Variants in FRMPD4 observed in about 807,000 individuals in gnomAD.
The protein encoded by FRMPD4 is FERM and PDZ domain-containing protein 4.
Under a neutral mutation model 94.1 loss-of-function variants are expected in FRMPD4, and 22 were observed. The observed-to-expected ratio is 0.23, with a 90% CI of 0.17 to 0.33. The LOEUF (loss-of-function observed/expected upper bound fraction) is 0.33, where lower values mean the gene tolerates loss of function less well. FRMPD4 is among the 10% of genes least tolerant of loss of function. FRMPD4 has a pLI of 1.00. For missense variants in FRMPD4, 1,111 were observed against 1,339.9 expected (o/e 0.83, Z 2.67); for synonymous variants, 631 against 548.6 (o/e 1.15, Z -2.10).
intron 2 of FRMPD4, among the ~76,000 whole-genome samples, chrX:12,590,293 T>G (rs540712913): frequency 1.8e-5 from 2 of 112,409 alleles, no homozygotes; most frequent in Admixed American, 1.9e-4. Context: ...CGACATTGCA[T>G]TTTGAGTTTT....
At chrX:12,297,807 C>A (rs2054795594) in intron 1 of FRMPD4, among the ~76,000 whole-genome samples, 1 of 110,979 alleles carries the variant, frequency 9.0e-6, no homozygotes, top group Non-Finnish European at 1.9e-5. Flanking sequence ...AAGAATTAGC[C>A]CCCCCTGGAG....
intron 1 of FRMPD4, among the ~76,000 whole-genome samples, chrX:11,826,942 G>A (rs773602601): frequency 4.5e-4 from 49 of 108,143 alleles, no homozygotes; most frequent in Non-Finnish European, 7.1e-4. Context: ...ATGAGGAGGA[G>A]GTGTCATGAA....
intron 3 of FRMPD4, among the ~76,000 whole-genome samples, chrX:12,073,333 C>T (rs2054985598): frequency 8.9e-6 from 1 of 111,763 alleles, no homozygotes; most frequent in African/African-American, 3.3e-5. Context: ...ACTATTGAAC[C>T]CTGCTGTTAT....
At chrX:12,084,949 CA>C (rs1414773677) in intron 3 of FRMPD4, among the ~76,000 whole-genome samples, 1 of 112,018 alleles carries the variant, frequency 8.9e-6, no homozygotes. Flanking sequence ...TGGATATCAT[CA>C]GGGGATCAGA....
At chrX:11,901,027 C>G (rs1166795939) in intron 3 of FRMPD4, among the ~76,000 whole-genome samples, 2 of 111,415 alleles carry the variant, frequency 1.8e-5, no homozygotes, top group Non-Finnish European at 3.8e-5. Context: ...CCTAAAATCC[C>G]TCTAAGGTAA....
chrX:12,130,519 C>T (rs1046263403), intron 3 of FRMPD4, among the ~76,000 whole-genome samples: 3 of 110,803 alleles, frequency 2.7e-5, no homozygotes, highest in African/African-American at 9.9e-5. Context: ...TATCTTGATT[C>T]CCTCTCCACA....
intron 15 of FRMPD4, 88 bp from the exon 16 acceptor site, chrX:12,717,413 T>C: frequency 3.1e-6 from 2 of 642,348 alleles, no homozygotes; most frequent in South Asian, 2.9e-5. Context: ...GGTATTTTGT[T>C]TTAGTAATAA....
intron 3 of FRMPD4, among the ~76,000 whole-genome samples, chrX:12,127,584 T>C (rs1405162193): frequency 3.6e-5 from 4 of 111,195 alleles, no homozygotes; most frequent in Non-Finnish European, 7.5e-5. Context: ...AGCCAAACCA[T>C]ATCATTCTGC....
intron 3 of FRMPD4, among the ~76,000 whole-genome samples, chrX:11,946,482 T>G (rs1010004968): frequency 9.0e-6 from 1 of 111,564 alleles, no homozygotes; most frequent in East Asian, 2.8e-4. Context: ...AGAGACGGTT[T>G]GCACTTAGTT....
At chrX:12,395,150 G>C (rs1056368620) in intron 1 of FRMPD4, among the ~76,000 whole-genome samples, 2 of 112,117 alleles carry the variant, frequency 1.8e-5, no homozygotes, top group Non-Finnish European at 3.8e-5. Context: ...CTTGTATGAG[G>C]CATAATGTAG....
chrX:12,626,417 G>A (rs2059347366), intron 4 of FRMPD4, among the ~76,000 whole-genome samples: 2 of 106,832 alleles, frequency 1.9e-5, no homozygotes, highest in African/African-American at 3.4e-5. Context: ...AATTCTGAAA[G>A]CAGCAAGAAA....
intron 1 of FRMPD4, among the ~76,000 whole-genome samples, chrX:12,302,253 G>A (rs962050078): frequency 8.9e-6 from 1 of 112,134 alleles, no homozygotes; most frequent in African/African-American, 3.2e-5. Flanking sequence ...TGTCATGATA[G>A]TTTATATGCA....
intron 4 of FRMPD4, among the ~76,000 whole-genome samples, chrX:12,673,140 C>T (rs139072800): frequency 2.1e-4 from 24 of 111,849 alleles, no homozygotes; most frequent in African/African-American, 7.2e-4. Flanking sequence ...TTGCTTGCTC[C>T]TGAGGACTCT....
At chrX:12,401,541 A>G (rs1420516563) in intron 1 of FRMPD4, among the ~76,000 whole-genome samples, 1 of 110,928 alleles carries the variant, frequency 9.0e-6, no homozygotes, top group African/African-American at 3.3e-5. Context: ...ATCTCCCAAC[A>G]CTCTCCCTGT....
At chrX:12,116,181 C>G (rs930776886) in intron 3 of FRMPD4, among the ~76,000 whole-genome samples, 6 of 111,867 alleles carry the variant, frequency 5.4e-5, no homozygotes, top group African/African-American at 1.6e-4. Flanking sequence ...CAACTTCATC[C>G]TCTGCCATCA....
intron 3 of FRMPD4, among the ~76,000 whole-genome samples, chrX:12,086,085 G>GTA (rs201882846): frequency 4.1e-5 from 2 of 49,323 alleles, no homozygotes; most frequent in Non-Finnish European, 9.7e-5. Flanking sequence ...GTGCGTGTGT[G>GTA]TGTATGTGTG....
At chrX:12,440,538 G>T (rs749744761) in intron 1 of FRMPD4, among the ~76,000 whole-genome samples, 1 of 111,579 alleles carries the variant, frequency 9.0e-6, no homozygotes, top group Non-Finnish European at 1.9e-5. Flanking sequence ...GGGGAAGCTG[G>T]ACTTTGATAT....
At position 12,544,034 on chromosome X, in the gene FRMPD4, A is replaced by C. The variant is rs187346546; in HGVS notation, c.158+45238A>C. On this transcript the variant is annotated intron_variant, in intron 2 of 16. Coordinates refer to ENST00000675598, the MANE Select transcript of FRMPD4 (RefSeq NM_001368397.1). ...TCTCAATCACAGGTGGGAATTGAACAATGAGAACACTTGGACACAGGAAGG... is the reference window on the plus strand; with the variant it reads ...TCTCAATCACAGGTGGGAATTGAACCATGAGAACACTTGGACACAGGAAGG... Among the ~76,000 whole-genome samples, 362 of 104,024 alleles carry C rather than the reference A, an allele frequency of 3.5e-3. 1 individual carries two copies. Among genetic ancestry groups the C allele is most frequent in the African/African-American group, 0.012 (331 of 28,378 alleles). 90.3% of individuals were successfully genotyped at this position (104,024 alleles called of 115,157 possible).
intron 9 of FRMPD4, among the ~76,000 whole-genome samples, chrX:12,700,338 C>T (rs2060176260): frequency 1.8e-5 from 2 of 112,079 alleles, no homozygotes. Flanking sequence ...AGCTAAATAC[C>T]ATATTTTCTA....
Sources: gnomAD v4.1 joint callset for allele counts (sites outside exome capture counted in the v4.1 genomes callset) on GRCh38, gnomAD v4.1.1 for gene constraint, MANE v1.5 for transcripts, NCBI Gene and HGNC (gene_info 2026-07-23, HGNC 2026-07-21) for gene names.